DNAH8: variants seen among roughly 807,000 people sequenced by gnomAD.
DNAH8 encodes the protein axonemal beta dynein heavy chain 8.
In DNAH8, 382 loss-of-function variants were observed where a neutral mutation model predicts 562.1. The observed-to-expected ratio is 0.68, with a 90% CI of 0.63 to 0.74. The LOEUF is 0.74. Ranked by LOEUF, DNAH8 falls within the 30% of genes least tolerant of loss-of-function variation. DNAH8 has a pLI of 0.00. For missense variants in DNAH8, 5,203 were observed against 5,620.4 expected, an observed-to-expected ratio of 0.93 and a Z score of 2.37; for synonymous variants, 1,881 against 1,919.4, an observed-to-expected ratio of 0.98 and a Z score of 0.52.
At chr6:38,983,608 C>T (rs964520012) in intron 86 of DNAH8, among the ~76,000 whole-genome samples, 2 of 152,100 alleles carry the variant, frequency 1.3e-5, no homozygotes, top group Non-Finnish European at 2.9e-5. Context: ...TTTCTCGTAA[C>T]TCAAATGTAT....
At chr6:39,005,612 A>T (rs999218238) in intron 88 of DNAH8, among the ~76,000 whole-genome samples, 1 of 152,192 alleles carries the variant, frequency 6.6e-6, no homozygotes, top group Non-Finnish European at 1.5e-5. Context: ...ACATATTTTC[A>T]TGTGCTTATT....
At position 38,913,862 on chromosome 6, in the gene DNAH8, A is replaced by C; in HGVS notation, c.9873A>C (p.Leu3291=). ...GTATTTGTAAAGGTCTTGATAAACT[A>C]ATGGAGGCAAGTGAATCTGTTGCTA... The part of the protein sequence containing the change: ...AERMNIGLDK[L]MEASESVAKL... The change falls in exon 67 of 93, where the codon CTA becomes CTC. Residue 3291 remains leucine, a synonymous_variant. Coordinates refer to ENST00000327475, the MANE Select transcript of DNAH8 (RefSeq NM_001206927.2). 6.2e-7 allele frequency: 1 copy of C among 1,612,810 alleles called. No individual in the cohort carries two copies. Among genetic ancestry groups the C allele is most frequent in the Admixed American group, 1.7e-5 (1 of 59,992 alleles).
intron 8 of DNAH8, among the ~76,000 whole-genome samples, chr6:38,748,756 A>AATAATAATAATG (rs1316703081): frequency 2.3e-4 from 1 of 4,260 alleles, no homozygotes; most frequent in Admixed American, 1.6e-3. Flanking sequence ...TCCGTCTCAA[A>AATAATAATAATG]ATAATAATAA....
At chr6:38,889,564 A>G (rs1779193906) in intron 57 of DNAH8, among the ~76,000 whole-genome samples, 1 of 152,222 alleles carries the variant, frequency 6.6e-6, no homozygotes, top group Non-Finnish European at 1.5e-5. Context: ...ACATTTAAAC[A>G]AATACGGAAA....
Position 38,850,421 on chromosome 6 carries a change from G to A in DNAH8, c.5363+7G>A, listed in dbSNP as rs1775649327. The A allele has an allele frequency of 1.2e-6, 2 of 1,608,420 alleles. No homozygotes were observed. Among genetic ancestry groups the A allele is most frequent in the South Asian group, 1.1e-5 (1 of 89,966 alleles). On this transcript the variant is annotated splice_region_variant and intron_variant, in intron 38 of 92. Transcript: ENST00000327475. ...GTCAGAAGTCACTCACAGGGTAAGA[G>A]TTTAATTTTTAAATCACATATCATT... is the stretch of plus-strand genomic sequence containing the variant.
intron 38 of DNAH8, among the ~76,000 whole-genome samples, chr6:38,850,675 C>A (rs1389605974): frequency 1.3e-5 from 2 of 152,216 alleles, no homozygotes; most frequent in African/African-American, 2.4e-5. Flanking sequence ...TTCATTCTCA[C>A]AGTTGTGGAG....
chr6:38,789,325 T>G (rs932825150), intron 18 of DNAH8, among the ~76,000 whole-genome samples: 16 of 152,138 alleles, frequency 1.1e-4, no homozygotes, highest in Admixed American at 7.9e-4. Flanking sequence ...TACAAAATAG[T>G]AAAAAATTGA....
intron 75 of DNAH8, among the ~76,000 whole-genome samples, chr6:38,930,053 A>G (rs111372946): frequency 0.013 from 1,957 of 152,304 alleles, 36 homozygotes; most frequent in Middle Eastern, 0.037. Flanking sequence ...AGCCTTATAT[A>G]TATACATTTT....
rs1013510490 is a variant in DNAH8 at position 38,909,948 on chromosome 6, T to C, written c.9740+204T>C. Among the ~76,000 whole-genome samples, 3 of 152,256 alleles carry C rather than the reference T, an allele frequency of 2.0e-5. No homozygotes were observed. In the South Asian group the frequency reaches 6.2e-4, roughly 31 times the overall value. On this transcript the variant is annotated intron_variant, in intron 65 of 92. Transcript: ENST00000327475. Reference sequence around the variant, plus strand: ...TTTAAAAACGAACTAGTGTCCACACTTAAATACCTTTTTATCCTCCAAGCC... The same window carrying C: ...TTTAAAAACGAACTAGTGTCCACACCTAAATACCTTTTTATCCTCCAAGCC...
chr6:38,915,254 A>G lies in DNAH8; in HGVS notation c.10017A>G (p.Glu3339=). ...AGGCTTCAGCCAAAATTAAAAATGA[A>G]GTACAGGAGGTAAAGGACAAAGCCC... The part of the protein sequence containing the change: ...SAQASAKIKN[E]VQEVKDKAQK... The change falls in exon 68 of 93, where the codon GAA becomes GAG. Residue 3339 remains glutamate, a synonymous_variant. Transcript: ENST00000327475. The G allele has an allele frequency of 6.2e-7, 1 of 1,610,132 alleles. No individual in the cohort carries two copies. Among genetic ancestry groups the G allele is most frequent in the Non-Finnish European group, 8.5e-7 (1 of 1,178,716 alleles).
rs1285401128 is a variant in DNAH8 at position 38,868,203 on chromosome 6, T to TGGAATA, written c.6828+7_6828+8insGGAATA. The TGGAATA allele has an allele frequency of 1.2e-5, 19 of 1,593,638 alleles. No homozygotes were observed. The highest frequency in any genetic ancestry group is 4.1e-5 in the African/African-American group (3 of 73,626). On this transcript the variant is annotated splice_region_variant and intron_variant, in intron 48 of 92. Transcript: ENST00000327475. ...TATGAACCTTTCCAAACTGGTATCT[T>TGGAATA]CTCTGAATTCTCTTCTTTTCCACAA...
At chr6:38,833,118 A>C (rs574136581) in intron 31 of DNAH8, among the ~76,000 whole-genome samples, 1 of 152,262 alleles carries the variant, frequency 6.6e-6, no homozygotes, top group East Asian at 1.9e-4. Flanking sequence ...ATTCTGACTG[A>C]TAATGTTGAC....
At chr6:39,000,823 C>A (rs1213627343) in intron 88 of DNAH8, among the ~76,000 whole-genome samples, 1 of 152,200 alleles carries the variant, frequency 6.6e-6, no homozygotes, top group African/African-American at 2.4e-5. Flanking sequence ...ATGTCTTCCA[C>A]AAAACCAGTC....
chr6:38,841,194 C>T (rs571158511), intron 33 of DNAH8, among the ~76,000 whole-genome samples: 5 of 152,012 alleles, frequency 3.3e-5, no homozygotes, highest in South Asian at 2.1e-4. Flanking sequence ...TGAGGCGGGC[C>T]GATCACCTGA....
Position 38,810,655 on chromosome 6 carries a change from A to T in DNAH8, c.3257+2939A>T, listed in dbSNP as rs537315424. ...TTGCAGTTTTCTAGTCTTATTTCTG[A>T]CTACAAGGGCCTTGGCAGGCTTTAC... On this transcript the variant is annotated intron_variant, in intron 24 of 92. Transcript: ENST00000327475. Among the ~76,000 whole-genome samples, 4 of 152,074 alleles carry T rather than the reference A, an allele frequency of 2.6e-5. No homozygotes were observed. In the East Asian group the frequency reaches 7.7e-4, roughly 29 times the overall value.
chr6:38,817,211 G>A (rs933197366), intron 26 of DNAH8, among the ~76,000 whole-genome samples: 6 of 152,086 alleles, frequency 3.9e-5, no homozygotes, highest in East Asian at 1.9e-4. Context: ...CGGGCATGGC[G>A]GCACACACCT....
intron 17 of DNAH8, among the ~76,000 whole-genome samples, chr6:38,784,279 A>G (rs1209405492): frequency 2.0e-5 from 3 of 152,166 alleles, no homozygotes; most frequent in Admixed American, 2.0e-4. Context: ...CAGACTATGG[A>G]AAAAGGCAAA....
intron 70 of DNAH8, 104 bp from the exon 71 acceptor site, chr6:38,921,265 A>G: frequency 3.7e-6 from 5 of 1,354,350 alleles, no homozygotes; most frequent in Non-Finnish European, 4.0e-6. Context: ...GATGTGCTCG[A>G]AAGTCCCGTC....
Position 38,756,221 on chromosome 6 carries a change from T to C in DNAH8, c.1515+142T>C, listed in dbSNP as rs980923924. 7.6e-6 allele frequency: 5 copies of C among 655,756 alleles called. No individual in the cohort carries two copies. In the Admixed American group the frequency reaches 1.4e-4, roughly 18 times the overall value. The allele number at this position is 655,756 out of a possible 1,614,324, so 40.6% of individuals were successfully genotyped here. On this transcript the variant is annotated intron_variant, in intron 10 of 92. Transcript: ENST00000327475. ...TCCAGTGGACAAGAAGAGAAAGGCG[T>C]TGACTGGACTCAGTTGTACTTAATT... is the stretch of plus-strand genomic sequence containing the variant.
Sources: gnomAD v4.1 joint callset for allele counts (sites outside exome capture counted in the v4.1 genomes callset) on GRCh38, gnomAD v4.1.1 for gene constraint, MANE v1.5 for transcripts, NCBI Gene and HGNC (gene_info 2026-07-23, HGNC 2026-07-21) for gene names.